The following ANGPTL5 variants were observed in gnomAD, a reference collection of about 807,000 sequenced individuals.
The protein encoded by ANGPTL5 is angiopoietin like 5, also known as angiopoietin-related protein 5.
ANGPTL5 carries 34 observed loss-of-function variants against 39.4 expected under a neutral mutation model. The ratio of observed to expected loss-of-function variants is 0.86; its 90% CI spans 0.66 to 1.15. ANGPTL5 has a LOEUF of 1.15. Ranked by LOEUF, ANGPTL5 falls within the 50% of genes most tolerant of loss-of-function variation. The pLI is 0.00. For synonymous variants in ANGPTL5, 146 were observed against 152.1 expected (o/e 0.96, Z 0.29); for missense variants, 467 against 457.5 (o/e 1.02, Z -0.19).
chr11:101,912,577 G>C (rs990952114), intron 1 of ANGPTL5, among the ~76,000 whole-genome samples: 1 of 151,982 alleles, frequency 6.6e-6, no homozygotes, highest in Non-Finnish European at 1.5e-5. Context: ...TTTAAAGGTC[G>C]AAAAAACCTA....
chr11:101,905,790 T>G lies in ANGPTL5; in HGVS notation c.299A>C (p.Asn100Thr). 6.2e-7 allele frequency: 1 copy of G among 1,612,396 alleles called. No individual in the cohort carries two copies. The highest frequency in any genetic ancestry group is 8.5e-7 in the Non-Finnish European group (1 of 1,179,098). ...YTRSTKKLLR[N>T]MMDEQQASLD... ...GGAAGCTTGTTGCTCATCCATCATA[T>G]TCCTTAGTAGTTTTTTGGTACTTCT... The change falls in exon 4 of 9, where the codon AAT becomes ACT. Residue 100 changes from asparagine to threonine, a missense_variant. Asn to Thr is a moderately conservative substitution (Grantham distance 65). Coordinates refer to ENST00000334289, the MANE Select transcript of ANGPTL5 (RefSeq NM_178127.5).
chr11:101,915,650 T>C (rs1276027675), intron 1 of ANGPTL5, among the ~76,000 whole-genome samples: 2 of 152,214 alleles, frequency 1.3e-5, no homozygotes, highest in African/African-American at 2.4e-5. Flanking sequence ...TTCTTCAACT[T>C]TGTAAAATTT....
chr11:101,907,777 G>C (rs1234063924), intron 2 of ANGPTL5, 37 bp downstream of exon 2: 1 of 1,353,678 alleles, frequency 7.4e-7, no homozygotes, highest in Non-Finnish European at 1.1e-6. Context: ...AGCTAATCAT[G>C]CTTTCCTAGC....
At position 101,900,481 on chromosome 11, in the gene ANGPTL5, C is replaced by A; in HGVS notation, c.610G>T (p.Asp204Tyr). 6.2e-7 allele frequency: 1 copy of A among 1,613,400 alleles called. No homozygotes were observed. The highest frequency in any genetic ancestry group is 8.5e-7 in the Non-Finnish European group (1 of 1,179,532). ...TAATCACACCACAACCTCTGGAAAT[C>A]AATTATCCCATCAATTCTTTTCTGT... ...VIQKRIDGIIDFQRLWCDYLD... is the reference protein window; with the variant it reads ...VIQKRIDGIIYFQRLWCDYLD... The change falls in exon 7 of 9, where the codon GAT becomes TAT. Residue 204 changes from aspartate to tyrosine, a missense_variant. Transcript: ENST00000334289.
intron 1 of ANGPTL5, among the ~76,000 whole-genome samples, chr11:101,910,289 A>G (rs1459475676): frequency 6.6e-6 from 1 of 151,738 alleles, no homozygotes; most frequent in Admixed American, 6.6e-5. Context: ...GCATGCCTGT[A>G]ATCCCAGCTA....
At chr11:101,895,109 GAAT>G in intron 7 of ANGPTL5, 45 bp from the exon 8 acceptor site, 1 of 1,353,306 alleles carries the variant, frequency 7.4e-7, no homozygotes, top group Non-Finnish European at 1.0e-6. Flanking sequence ...ATACAAATTA[GAAT>G]AATGGTTTAT....
At chr11:101,896,908 C>G (rs1939807418) in intron 7 of ANGPTL5, among the ~76,000 whole-genome samples, 1 of 152,190 alleles carries the variant, frequency 6.6e-6, no homozygotes, top group South Asian at 2.1e-4. Flanking sequence ...ATTTCTAGTT[C>G]TAGATCCTTG....
chr11:101,908,217 G>A (rs985596927), intron 1 of ANGPTL5, among the ~76,000 whole-genome samples: 2 of 152,010 alleles, frequency 1.3e-5, no homozygotes, highest in Non-Finnish European at 2.9e-5. Context: ...ATAAATAAAT[G>A]ACAGATGTAG....
Position 101,891,417 on chromosome 11 carries a change from T to C in ANGPTL5, c.1029A>G (p.Leu343=), listed in dbSNP as rs770895336. The C allele has an allele frequency of 2.5e-6, 4 of 1,614,012 alleles. No homozygotes were observed. The African/African-American group carries it at 5.3e-5, about 22-fold the overall frequency. ...TTCCAGAGAAGTGATGAATGCCATTTAGATTTGCTAGACCACACTCGTTAA... is the reference window on the plus strand; with the variant it reads ...TTCCAGAGAAGTGATGAATGCCATTCAGATTTGCTAGACCACACTCGTTAA... ...WWFNECGLAN[L]NGIHHFSGKL... The change falls in exon 9 of 9, where the codon CTA becomes CTG. Residue 343 remains leucine, a synonymous_variant. Coordinates refer to ENST00000334289, the MANE Select transcript of ANGPTL5 (RefSeq NM_178127.5).
At chr11:101,898,100 G>A (rs995811732) in intron 7 of ANGPTL5, among the ~76,000 whole-genome samples, 1 of 152,072 alleles carries the variant, frequency 6.6e-6, no homozygotes, top group Non-Finnish European at 1.5e-5. Context: ...GCAGGCACCT[G>A]TAATCCCAAC....
At position 101,894,920 on chromosome 11, in the gene ANGPTL5, C is replaced by T. The variant is rs1226202383; in HGVS notation, c.806G>A (p.Arg269Lys). 1 of 1,613,382 alleles carries T rather than the reference C, an allele frequency of 6.2e-7. No individual in the cohort carries two copies. Among genetic ancestry groups the T allele is most frequent in the Non-Finnish European group, 8.5e-7 (1 of 1,179,686 alleles). Residue 269 changes from arginine to lysine, a missense_variant, in exon 8 of 9, where the codon AGA becomes AAA. Coordinates refer to ENST00000334289, the MANE Select transcript of ANGPTL5 (RefSeq NM_178127.5). The part of the protein sequence containing the change: ...YDNFWLEDET[R>K]FFKMHLGRYS... ...CCGTCCTAAGTGCATTTTAAAAAAT[C>T]TCGTTTCATCCTCTAGCCAAAAATT...
chr11:101,913,206 A>G (rs576169601), intron 1 of ANGPTL5, among the ~76,000 whole-genome samples: 2 of 152,324 alleles, frequency 1.3e-5, no homozygotes, highest in East Asian at 3.9e-4. Context: ...CCAGTTTAAG[A>G]GGACTGCTCA....
At chr11:101,904,294 A>G (rs537754766) in intron 5 of ANGPTL5, among the ~76,000 whole-genome samples, 1 of 152,248 alleles carries the variant, frequency 6.6e-6, no homozygotes, top group Admixed American at 6.5e-5. Flanking sequence ...ATTCATATTT[A>G]TAAGATTTAT....
At position 101,902,862 on chromosome 11, in the gene ANGPTL5, C is replaced by G. The variant is rs184274436; in HGVS notation, c.440-141G>C. 1,518 of 572,952 alleles carry G rather than the reference C, an allele frequency of 2.6e-3. 10 individuals are homozygous for G. Among genetic ancestry groups the G allele is most frequent in the African/African-American group, 0.025 (1,322 of 52,704 alleles). The allele number at this position is 572,952 out of a possible 1,614,324, so 35.5% of individuals were successfully genotyped here. On this transcript the variant is annotated intron_variant, in intron 5 of 8. Coordinates refer to ENST00000334289, the MANE Select transcript of ANGPTL5 (RefSeq NM_178127.5). ...ACTTCTTCAAAATGAAAAATGGTCA[C>G]AATTTTAGAAATAAAAAGAAAATAT... is the stretch of plus-strand genomic sequence containing the variant.
intron 1 of ANGPTL5, chr11:101,914,886 G>A (rs1940163187): frequency 5.3e-6 from 1 of 187,162 alleles, no homozygotes; most frequent in Admixed American, 5.9e-5. Flanking sequence ...CGGGTCCCTA[G>A]GGATGCTTGG....
chr11:101,900,417 C>T lies in ANGPTL5; in HGVS notation c.661+13G>A. ...GAGTAAACAATGTAGAGTAGAAATA[C>T]AAAAAAATTAACCTAGAAGATCTCC... is the stretch of plus-strand genomic sequence containing the variant. On this transcript the variant is annotated intron_variant, in intron 7 of 8. Coordinates refer to ENST00000334289, the MANE Select transcript of ANGPTL5 (RefSeq NM_178127.5). The T allele has an allele frequency of 1.2e-6, 2 of 1,611,290 alleles. No homozygotes were observed. Among genetic ancestry groups the T allele is most frequent in the Non-Finnish European group, 1.7e-6 (2 of 1,178,856 alleles).
chr11:101,895,944 T>C (rs1939783422), intron 7 of ANGPTL5, among the ~76,000 whole-genome samples: 1 of 152,096 alleles, frequency 6.6e-6, no homozygotes, highest in South Asian at 2.1e-4. Flanking sequence ...AGATATTAAG[T>C]CTTTCTTCAG....
Position 101,892,654 on chromosome 11 carries a change from C to A in ANGPTL5, c.848-1056G>T, listed in dbSNP as rs575228933. ...GAGTCATATTTTGTTTCATAAAATTCCATAAAGTTAAAGATTCTAAGTAAA... is the reference window on the plus strand; with the variant it reads ...GAGTCATATTTTGTTTCATAAAATTACATAAAGTTAAAGATTCTAAGTAAA... On this transcript the variant is annotated intron_variant, in intron 8 of 8. Coordinates refer to ENST00000334289, the MANE Select transcript of ANGPTL5 (RefSeq NM_178127.5). Among the ~76,000 whole-genome samples the A allele has an allele frequency of 2.6e-5, 4 of 152,228 alleles. No homozygotes were observed. The South Asian group carries it at 8.3e-4, about 32-fold the overall frequency.
intron 7 of ANGPTL5, 116 bp from the exon 8 acceptor site, chr11:101,895,180 A>G (rs1939770829): frequency 2.3e-6 from 2 of 863,608 alleles, no homozygotes; most frequent in Non-Finnish European, 3.5e-6. Context: ...TCAGATAAGT[A>G]ATTAAAGGCA....
Sources: gnomAD v4.1 joint callset for allele counts (sites outside exome capture counted in the v4.1 genomes callset) on GRCh38, gnomAD v4.1.1 for gene constraint, MANE v1.5 for transcripts, NCBI Gene and HGNC (gene_info 2026-07-23, HGNC 2026-07-21) for gene names.